Variants in MTHFSD observed in about 807,000 individuals in gnomAD.
MTHFSD encodes methenyltetrahydrofolate synthetase domain containing, also known as methenyltetrahydrofolate synthase domain-containing protein.
A neutral mutation model predicts 31.1 loss-of-function variants in MTHFSD; 37 were observed. That is an observed-to-expected ratio of 1.19 (90% confidence interval 0.91 to 1.56). MTHFSD has a LOEUF of 1.56. Ranked by LOEUF, MTHFSD falls within the 40% of genes most tolerant of loss-of-function variation. MTHFSD has a pLI of 0.00. For missense variants in MTHFSD, 664 were observed against 510.1 expected, an observed-to-expected ratio of 1.30 and a Z score of -2.91; for synonymous variants, 221 against 206.9, an observed-to-expected ratio of 1.07 and a Z score of -0.59.
At chr16:86,548,325 T>G (rs1972627957) in intron 4 of MTHFSD, 139 bp downstream of exon 4, 1 of 860,338 alleles carries the variant, frequency 1.2e-6, no homozygotes, top group Non-Finnish European at 1.9e-6. Flanking sequence ...ACAGAATTCT[T>G]GAATACTTTA....
chr16:86,550,496 T>C (rs115095361), intron 3 of MTHFSD, among the ~76,000 whole-genome samples: 1 of 152,148 alleles, frequency 6.6e-6, no homozygotes, highest in South Asian at 2.1e-4. Context: ...AAGGACTGGC[T>C]CTGGAGTCAG....
intron 5 of MTHFSD, among the ~76,000 whole-genome samples, chr16:86,544,403 A>G (rs906828109): frequency 2.0e-5 from 3 of 152,216 alleles, no homozygotes; most frequent in Non-Finnish European, 2.9e-5. Flanking sequence ...AACAACCCCA[A>G]TAAAAAGTGG....
Position 86,532,344 on chromosome 16 carries a change from CA to C in MTHFSD, c.818del (p.Leu273ArgfsTer47). The C allele has an allele frequency of 1.3e-6, 2 of 1,593,348 alleles. No individual in the cohort carries two copies. Among genetic ancestry groups the C allele is most frequent in the Non-Finnish European group, 1.7e-6 (2 of 1,170,608 alleles). On this transcript the variant is annotated frameshift_variant, in exon 8 of 8. Transcript: ENST00000360900. LOFTEE classifies it low-confidence loss of function (END_TRUNC). ...PEPGCQQTVP[L>X]SVGRRPPDTP... is the part of the protein sequence containing the mutation. ...TGTCCGGGGGCCTCCTGCCAACACT[CA>C]GGGGCACTGTCTGCTGGCAGCCTGG...
chr16:86,532,214 C>A lies in MTHFSD; in HGVS notation c.949G>T (p.Ala317Ser). ...DVYVGNLPGD[A>S]RVSDLKRALR... ...GCTCTCTTCAGGTCACTCACACGGG[C>A]GTCCCCGGGGAGGTTCCCAACGTAA... Residue 317 changes from alanine (A) to serine (S), a missense_variant, in exon 8 of 8, where the codon GCC (alanine) becomes TCC (serine). Physicochemically the swap from Ala to Ser is moderately conservative, Grantham distance 99. Transcript: ENST00000360900. The A allele has an allele frequency of 6.3e-7, 1 of 1,582,942 alleles. No homozygotes were observed. The highest frequency in any genetic ancestry group is 1.4e-5 in the African/African-American group (1 of 73,994).
At position 86,548,537 on chromosome 16, in the gene MTHFSD, G is replaced by C. The variant is rs779426310; in HGVS notation, c.278C>G (p.Thr93Arg). Residue 93 changes from threonine to arginine, a missense_variant, in exon 4 of 8, where the codon ACG (threonine) becomes AGG (arginine). Coordinates refer to ENST00000360900, the MANE Select transcript of MTHFSD (RefSeq NM_001159377.2). ...TLLVPTPRLR[T>R]GLFNKITPPP... ...TGGTGTGATCTTATTAAACAATCCC[G>C]TTCTCAGTCGTGGTGTTGGAACCAA... The C allele has an allele frequency of 2.5e-6, 4 of 1,612,962 alleles. No homozygotes were observed. The highest frequency in any genetic ancestry group is 3.4e-6 in the Non-Finnish European group (4 of 1,179,746).
intron 7 of MTHFSD, chr16:86,540,779 C>T (rs1597342157): frequency 1.0e-6 from 1 of 992,482 alleles, no homozygotes; most frequent in Non-Finnish European, 1.2e-6. Context: ...GCTCCTGGTG[C>T]GCTTAGAGGG....
At position 86,543,600 on chromosome 16, in the gene MTHFSD, G is replaced by A. The variant is rs9921701; in HGVS notation, c.443-1387C>T. ...CGGGCCCAGGAGGCCAGCCCGCAGT[G>A]CTGACAGGAAGGGGCTCTAAGACAC... On this transcript the variant is annotated intron_variant, in intron 5 of 7. Coordinates refer to ENST00000360900, the MANE Select transcript of MTHFSD (RefSeq NM_001159377.2). Among the ~76,000 whole-genome samples, 982 of 152,366 alleles carry A rather than the reference G, an allele frequency of 6.4e-3. 15 individuals are homozygous for A. Among genetic ancestry groups the A allele is most frequent in the African/African-American group, 0.023 (936 of 41,584 alleles).
rs980993427 is a variant in MTHFSD, at chr16:86,554,706, A to T, written c.62T>A (p.Met21Lys). ...QDIREQIWGY[M>K]ESQNLADFPR... ...AAAGTCAGCTAAATTTTGTGATTCCATGTAGCCCCAAATTTGTTCACGTAT... is the reference window on the plus strand; with the variant it reads ...AAAGTCAGCTAAATTTTGTGATTCCTTGTAGCCCCAAATTTGTTCACGTAT... Residue 21 changes from methionine to lysine, a missense_variant, in exon 2 of 8, where the codon ATG becomes AAG. Coordinates refer to ENST00000360900, the MANE Select transcript of MTHFSD (RefSeq NM_001159377.2). 2 of 1,614,108 alleles carry T rather than the reference A, an allele frequency of 1.2e-6. No individual in the cohort carries two copies. Among genetic ancestry groups the T allele is most frequent in the Middle Eastern group, 1.6e-4 (1 of 6,084 alleles).
rs771728690 is a variant in MTHFSD, at chr16:86,554,673, G to A, written c.95C>T (p.Pro32Leu). 5 of 1,614,054 alleles carry A rather than the reference G, an allele frequency of 3.1e-6. No individual in the cohort carries two copies. In the African/African-American group the frequency reaches 5.3e-5, roughly 17 times the overall value. ...AAAGTTGGGTATCCTGTGATGAACAGGTCGGGGAAAGTCAGCTAAATTTTG... is the reference window on the plus strand; with the variant it reads ...AAAGTTGGGTATCCTGTGATGAACAAGTCGGGGAAAGTCAGCTAAATTTTG... ...ESQNLADFPR[P>L]VHHRIPNFKG... Residue 32 changes from proline to leucine, a missense_variant, in exon 2 of 8, where the codon CCT (proline) becomes CTT (leucine). By Grantham distance (98) the Pro-to-Leu change is moderately conservative (BLOSUM62 -3). Transcript: ENST00000360900.
intron 5 of MTHFSD, among the ~76,000 whole-genome samples, chr16:86,544,404 T>C (rs1397762002): frequency 2.0e-5 from 3 of 151,756 alleles, no homozygotes; most frequent in Non-Finnish European, 4.4e-5. Context: ...ACAACCCCAA[T>C]AAAAAGTGGG....
At chr16:86,541,936 C>G (rs1597347430) in intron 6 of MTHFSD, 114 bp from the exon 7 acceptor site, 5 of 1,467,436 alleles carry the variant, frequency 3.4e-6, no homozygotes, top group Non-Finnish European at 4.7e-6. Flanking sequence ...CAAATCCACT[C>G]TGGGGCTAAG....
At chr16:86,554,863 T>C (rs1336922561) in intron 1 of MTHFSD, 112 bp from the exon 2 acceptor site, 2 of 1,079,170 alleles carry the variant, frequency 1.9e-6, no homozygotes, top group Admixed American at 2.6e-5. Context: ...CGGCTTCCGA[T>C]CCTGTTCCTG....
intron 7 of MTHFSD, chr16:86,533,037 C>G (rs926680708): frequency 1.3e-5 from 2 of 152,258 alleles, no homozygotes; most frequent in African/African-American, 4.8e-5. Flanking sequence ...AATGCACAGC[C>G]AAAAATGCAG....
intron 7 of MTHFSD, among the ~76,000 whole-genome samples, chr16:86,539,732 C>A (rs1463059405): frequency 4.6e-5 from 7 of 152,134 alleles, no homozygotes; most frequent in Non-Finnish European, 8.8e-5. Context: ...GTCTGTAAGA[C>A]AGGGCAGGAC....
Position 86,542,082 on chromosome 16 carries a change from G to C in MTHFSD, c.555+19C>G. ...AAGAGAATGGCAGTGGCTCTGCTCA[G>C]CCCATTCATAAGGAGCACCTGGCAG... On this transcript the variant is annotated intron_variant, in intron 6 of 7. Transcript: ENST00000360900. This position sits in a 1 kb window ranked among gnomAD's most constrained non-coding sequence, Gnocchi z 4.6. 1 of 1,602,434 alleles carries C rather than the reference G, an allele frequency of 6.2e-7. No individual in the cohort carries two copies. The highest frequency in any genetic ancestry group is 8.5e-7 in the Non-Finnish European group (1 of 1,170,536).
chr16:86,543,265 C>A (rs920101471), intron 5 of MTHFSD, among the ~76,000 whole-genome samples: 4 of 152,190 alleles, frequency 2.6e-5, no homozygotes, highest in African/African-American at 9.7e-5. Flanking sequence ...CAGCTAGGAA[C>A]AAGGAAGCGG....
intron 7 of MTHFSD, among the ~76,000 whole-genome samples, chr16:86,538,328 G>A (rs1971002457): frequency 6.6e-6 from 1 of 152,162 alleles, no homozygotes; most frequent in South Asian, 2.1e-4. Flanking sequence ...CAGGGTGGCG[G>A]CGGCAGTGGC....
chr16:86,551,835 TTGAC>T, intron 3 of MTHFSD, 194 bp downstream of exon 3: 1 of 963,854 alleles, frequency 1.0e-6, no homozygotes, highest in Non-Finnish European at 1.5e-6. Context: ...GGACTCCTGA[TTGAC>T]TGAATTGCTA....
intron 7 of MTHFSD, among the ~76,000 whole-genome samples, chr16:86,540,530 A>C: frequency 6.6e-6 from 1 of 152,156 alleles, no homozygotes; most frequent in South Asian, 2.1e-4. Context: ...GGCCCCTTCT[A>C]TGACGCGCAG....
Sources: gnomAD v4.1 joint callset for allele counts (sites outside exome capture counted in the v4.1 genomes callset) on GRCh38, gnomAD v4.1.1 for gene constraint, Gnocchi (gnomAD v3.1) non-coding constraint, MANE v1.5 for transcripts, NCBI Gene and HGNC (gene_info 2026-07-23, HGNC 2026-07-21) for gene names.